Variants in IL3 observed in about 807,000 individuals in gnomAD.
IL3 encodes the protein interleukin-3.
Under a neutral mutation model 15.4 loss-of-function variants are expected in IL3, and 15 were observed. That is an observed-to-expected ratio of 0.97 (90% CI 0.65 to 1.50). The LOEUF (loss-of-function observed/expected upper bound fraction) is 1.50. Among genes scored for constraint, IL3 ranks in the 40% most tolerant of loss-of-function variants. The pLI is 0.00. For missense variants in IL3, 162 were observed against 192.2 expected (o/e 0.84, Z 0.93); for synonymous variants, 74 against 79.3 (o/e 0.93, Z 0.36).
At chr5:132,061,311 G>C (rs886943097) in intron 2 of IL3, among the ~76,000 whole-genome samples, 1 of 152,200 alleles carries the variant, frequency 6.6e-6, no homozygotes, top group Non-Finnish European at 1.5e-5. Context: ...TGTTTGGTAG[G>C]GCAGACTCTG....
At chr5:132,061,077 T>C in intron 2 of IL3, 69 bp downstream of exon 2, 2 of 1,409,658 alleles carry the variant, frequency 1.4e-6, no homozygotes, top group East Asian at 4.6e-5. Context: ...CATTCCATCT[T>C]ACCTAGCCTT....
intron 2 of IL3, 71 bp from the exon 3 acceptor site, chr5:132,062,241 T>G: frequency 8.1e-7 from 1 of 1,227,474 alleles, no homozygotes; most frequent in Non-Finnish European, 1.2e-6. Flanking sequence ...ACTGTGGGGG[T>G]GACTTCCACC....
chr5:132,062,051 TG>T (rs1472592926), intron 2 of IL3, among the ~76,000 whole-genome samples: 1 of 152,230 alleles, frequency 6.6e-6, no homozygotes, highest in Non-Finnish European at 1.5e-5. Context: ...CTTGAGCCAC[TG>T]CGCCCAGCCC....
rs201924753 is a variant in IL3, at chr5:132,062,782, G to C, written c.450G>C (p.Ala150=). 8 of 1,613,146 alleles carry C rather than the reference G, an allele frequency of 5.0e-6. No individual in the cohort carries two copies. The African/African-American group carries it at 5.3e-5, about 11-fold the overall frequency. ...AQAQQTTLSL[A]IF is the part of the protein sequence containing the mutation. Reference sequence around the variant, plus strand: ...CTCAACAGACGACTTTGAGCCTCGCGATCTTTTGAGTCCAACGTCCAGCTC... The same window carrying C: ...CTCAACAGACGACTTTGAGCCTCGCCATCTTTTGAGTCCAACGTCCAGCTC... The change falls in exon 5 of 5, where the codon GCG becomes GCC. Residue 150 remains alanine, a synonymous_variant. Coordinates refer to ENST00000296870, the MANE Select transcript of IL3 (RefSeq NM_000588.4).
At position 132,060,826 on chromosome 5, in the gene IL3, T is replaced by C. The variant is rs1756463052; in HGVS notation, c.120T>C (p.Asp40=). 6.2e-7 allele frequency: 1 copy of C among 1,614,100 alleles called. No homozygotes were observed. Among genetic ancestry groups the C allele is most frequent in the Admixed American group, 1.7e-5 (1 of 60,012 alleles). Residue 40 remains aspartate (D), a synonymous_variant, in exon 1 of 5, where the codon GAT becomes GAC. Coordinates refer to ENST00000296870, the MANE Select transcript of IL3 (RefSeq NM_000588.4). The stretch of plus-strand genomic sequence containing the variant: ...GGGTTAACTGCTCTAACATGATCGA[T>C]GAAATTATAACACACTTAAAGCAGC... The part of the protein sequence containing the change: ...TSWVNCSNMI[D]EIITHLKQPP...
At position 132,060,975 on chromosome 5, in the gene IL3, C is replaced by A. The variant is rs1224259897; in HGVS notation, c.171C>A (p.Asn57Lys). The change falls in exon 2 of 5, where the codon AAC (asparagine) becomes AAA (lysine). Residue 57 changes from asparagine (N) to lysine (K), a missense_variant. Transcript: ENST00000296870. ...KQPPLPLLDFNNLNGEDQDIL... is the reference protein window; with the variant it reads ...KQPPLPLLDFKNLNGEDQDIL... The stretch of plus-strand genomic sequence containing the variant: ...TCCCTTCACCCCCACAGGACTTCAA[C>A]AACCTCAATGGGGAAGACCAAGACA... 6.2e-7 allele frequency: 1 copy of A among 1,614,100 alleles called. No homozygotes were observed. Among genetic ancestry groups the A allele is most frequent in the African/African-American group, 1.3e-5 (1 of 74,942 alleles).
chr5:132,062,437 T>G (rs1756496663), intron 3 of IL3, 36 bp downstream of exon 3: 1 of 1,611,908 alleles, frequency 6.2e-7, no homozygotes, highest in Non-Finnish European at 8.5e-7. Flanking sequence ...GATCCCTGTG[T>G]TGGCCCTGCC....
At position 132,062,572 on chromosome 5, in the gene IL3, G is replaced by T; in HGVS notation, c.336+5G>T. On this transcript the variant is annotated splice_donor_5th_base_variant and intron_variant, in intron 4 of 4. Coordinates refer to ENST00000296870, the MANE Select transcript of IL3 (RefSeq NM_000588.4). ...CTGGCCACGGCCGCACCCACGGTAA[G>T]CTGTCCCCCAAGATGCCCGTCATGG... The T allele has an allele frequency of 6.2e-7, 1 of 1,614,148 alleles. No homozygotes were observed. Among genetic ancestry groups the T allele is most frequent in the Non-Finnish European group, 8.5e-7 (1 of 1,180,002 alleles).
At chr5:132,061,071 C>A in intron 2 of IL3, 63 bp downstream of exon 2, 3 of 1,449,708 alleles carry the variant, frequency 2.1e-6, no homozygotes, top group South Asian at 2.3e-5. Context: ...CCATGTCATT[C>A]CATCTTACCT....
At chr5:132,062,061 C>T (rs1458307504) in intron 2 of IL3, among the ~76,000 whole-genome samples, 1 of 152,228 alleles carries the variant, frequency 6.6e-6, no homozygotes, top group Non-Finnish European at 1.5e-5. Flanking sequence ...TGCGCCCAGC[C>T]CACCTAGGCC....
At position 132,062,841 on chromosome 5, in the gene IL3, A is replaced by C; in HGVS notation, c.*50A>C. On this transcript the variant is annotated 3_prime_UTR_variant, in exon 5 of 5. Coordinates refer to ENST00000296870, the MANE Select transcript of IL3 (RefSeq NM_000588.4). ...GGCCTTCTCACCACAGAGCCTCGGG[A>C]CATCAAAAACAGCAGAACTTCTGAA... 1 of 1,570,964 alleles carries C rather than the reference A, an allele frequency of 6.4e-7. No individual in the cohort carries two copies. Among genetic ancestry groups the C allele is most frequent in the Non-Finnish European group, 8.6e-7 (1 of 1,158,012 alleles).
At chr5:132,061,883 C>G (rs563457189) in intron 2 of IL3, among the ~76,000 whole-genome samples, 1 of 151,938 alleles carries the variant, frequency 6.6e-6, no homozygotes, top group East Asian at 1.9e-4. Context: ...ATTCTCCTGT[C>G]TCAGCCTCCC....
At position 132,062,937 on chromosome 5, in the gene IL3, T is replaced by G; in HGVS notation, c.*146T>G. 1 of 1,097,634 alleles carries G rather than the reference T, an allele frequency of 9.1e-7. No homozygotes were observed. The allele number at this position is 1,097,634 out of a possible 1,614,324, so 68.0% of individuals were successfully genotyped here. On this transcript the variant is annotated 3_prime_UTR_variant, in exon 5 of 5. Transcript: ENST00000296870. ...CCTTTTCCTGCGGCATCAGATGAAT[T>G]GTTAATTATCTAATTTCTGAAATGT...
At chr5:132,061,984 G>C (rs1756487780) in intron 2 of IL3, among the ~76,000 whole-genome samples, 1 of 152,174 alleles carries the variant, frequency 6.6e-6, no homozygotes, top group African/African-American at 2.4e-5. Context: ...GGCTGGTCTT[G>C]AACTCGACCT....
chr5:132,062,586 T>C lies in IL3; in HGVS notation c.336+19T>C. ...ACCCACGGTAAGCTGTCCCCCAAGA[T>C]GCCCGTCATGGCTTGCTCCTCAGCT... On this transcript the variant is annotated intron_variant, in intron 4 of 4. Transcript: ENST00000296870. The C allele has an allele frequency of 6.2e-7, 1 of 1,613,952 alleles. No homozygotes were observed. Among genetic ancestry groups the C allele is most frequent in the South Asian group, 1.1e-5 (1 of 91,082 alleles).
intron 1 of IL3, 35 bp from the exon 2 acceptor site, chr5:132,060,932 G>A (rs767943776): frequency 6.2e-7 from 1 of 1,613,604 alleles, no homozygotes. Flanking sequence ...AGGCCAAAAG[G>A]CCTCATGGGC....
At position 132,063,192 on chromosome 5, in the gene IL3, T is replaced by C. The variant is rs150538654; in HGVS notation, c.*401T>C. ...TTCCTAGGGATGTGTGAGAATAAAC[T>C]AGACTCTGAACAACTGCTTTGTTAC... On this transcript the variant is annotated 3_prime_UTR_variant, in exon 5 of 5. Transcript: ENST00000296870. The C allele has an allele frequency of 2.5e-4, 44 of 175,994 alleles. No individual in the cohort carries two copies. Among genetic ancestry groups the C allele is most frequent in the African/African-American group, 1.0e-3 (42 of 41,930 alleles). 10.9% of individuals were successfully genotyped at this position (175,994 alleles called of 1,614,324 possible).
rs558446265 is a variant in IL3 at position 132,062,247 on chromosome 5, C to T, written c.205-65C>T. 9.9e-6 allele frequency: 13 copies of T among 1,307,304 alleles called. No individual in the cohort carries two copies. In the African/African-American group the frequency reaches 1.7e-4, roughly 18 times the overall value. 81.0% of individuals were successfully genotyped at this position (1,307,304 alleles called of 1,614,324 possible). ...GCTTGGGAAACTGTGGGGGTGACTT[C>T]CACCTGCTTGTGGGAGGGATACTCT... On this transcript the variant is annotated intron_variant, in intron 2 of 4. Transcript: ENST00000296870.
At chr5:132,061,510 C>A (rs979491135) in intron 2 of IL3, among the ~76,000 whole-genome samples, 1 of 152,204 alleles carries the variant, frequency 6.6e-6, no homozygotes, top group Non-Finnish European at 1.5e-5. Flanking sequence ...GAAGTGGAAG[C>A]CTTTGCTGAG....
Sources: gnomAD v4.1 joint callset for allele counts (sites outside exome capture counted in the v4.1 genomes callset) on GRCh38, gnomAD v4.1.1 for gene constraint, MANE v1.5 for transcripts, NCBI Gene and HGNC (gene_info 2026-07-23, HGNC 2026-07-21) for gene names.